Variants in MBD5 observed in about 807,000 individuals in gnomAD.
MBD5 encodes methyl-CpG binding domain protein 5.
Under a neutral mutation model 117.3 loss-of-function variants are expected in MBD5, and 13 were observed. The ratio of observed to expected loss-of-function variants is 0.11; its 90% CI spans 0.07 to 0.18. The LOEUF is 0.18. Among genes scored for constraint, MBD5 ranks in the 10% least tolerant of loss-of-function variants. MBD5 has a pLI of 1.00. For missense variants in MBD5, 1,879 were observed against 2,093.8 expected, an observed-to-expected ratio of 0.90 and a Z score of 2.00; for synonymous variants, 727 against 766.4, an observed-to-expected ratio of 0.95 and a Z score of 0.85.
intron 4 of MBD5, among the ~76,000 whole-genome samples, chr2:148,409,096 A>G (rs1341579612): frequency 6.6e-6 from 1 of 152,106 alleles, no homozygotes; most frequent in East Asian, 1.9e-4. Flanking sequence ...TAAAATAAAC[A>G]TAATTTTGAC....
intron 4 of MBD5, among the ~76,000 whole-genome samples, chr2:148,421,622 C>A (rs891575366): frequency 6.6e-6 from 1 of 152,016 alleles, no homozygotes; most frequent in Non-Finnish European, 1.5e-5. Context: ...GCCAGGGAGC[C>A]AAGTGGTCTG....
chr2:148,468,754 A>G lies in MBD5; in HGVS notation c.811A>G (p.Thr271Ala), dbSNP rs899476247. Residue 271 changes from threonine (T) to alanine (A), a missense_variant, in exon 8 of 14, where the codon ACT (threonine) becomes GCT (alanine). By Grantham distance (58) the Thr-to-Ala change is moderately conservative. Around this residue, in one of 4 missense-constraint regions of MBD5, gnomAD observed 1,666 missense variants for 1,792.2 expected, o/e 0.93. Coordinates refer to ENST00000642680, the MANE Select transcript of MBD5 (RefSeq NM_001378120.1). ...PNSSPIHLNR[T>A]PLSPPSVMLH... ...TTCTAGTCCTATTCACCTGAATAGG[A>G]CTCCTCTTTCTCCACCTTCAGTAAT... is the stretch of plus-strand genomic sequence containing the variant. 1.2e-6 allele frequency: 2 copies of G among 1,612,216 alleles called. No individual in the cohort carries two copies. Among genetic ancestry groups the G allele is most frequent in the East Asian group, 2.2e-5 (1 of 44,780 alleles).
intron 1 of MBD5, among the ~76,000 whole-genome samples, chr2:148,052,989 G>T (rs1277849302): frequency 6.8e-6 from 1 of 147,474 alleles, no homozygotes; most frequent in Non-Finnish European, 1.5e-5. Flanking sequence ...AAAAGAGAGA[G>T]ACAATGTGTA....
chr2:148,043,484 T>TAAATAAATAAAA (rs1018376982), intron 1 of MBD5, among the ~76,000 whole-genome samples: 45 of 138,138 alleles, frequency 3.3e-4, no homozygotes, highest in African/African-American at 9.6e-4. Context: ...AATAAATAAA[T>TAAATAAATAAAA]AAAAGAATAG....
At chr2:148,316,729 G>T (rs1313910039) in intron 3 of MBD5, among the ~76,000 whole-genome samples, 3 of 152,010 alleles carry the variant, frequency 2.0e-5, no homozygotes, top group African/African-American at 7.3e-5. Context: ...AAAAAATGAA[G>T]TTGATGGTTA....
At chr2:148,141,041 G>T (rs1007880727) in intron 1 of MBD5, among the ~76,000 whole-genome samples, 1 of 152,072 alleles carries the variant, frequency 6.6e-6, no homozygotes, top group African/African-American at 2.4e-5. Context: ...CAAACTGCTG[G>T]GATTACAGGT....
Position 148,060,711 on chromosome 2 carries a change from G to C in MBD5, c.-925+39027G>C, listed in dbSNP as rs375451614. On this transcript the variant is annotated intron_variant, in intron 1 of 13. Transcript: ENST00000642680. ...TCCTTTTTTTATAGTGATTGATAGGGTATGATTATTTTGTTCTATAAATAT... is the reference window on the plus strand; with the variant it reads ...TCCTTTTTTTATAGTGATTGATAGGCTATGATTATTTTGTTCTATAAATAT... Among the ~76,000 whole-genome samples the C allele has an allele frequency of 7.2e-5, 11 of 152,134 alleles. No individual in the cohort carries two copies. In the South Asian group the frequency reaches 2.3e-3, roughly 32 times the overall value.
At chr2:148,404,184 A>C (rs1705010564) in intron 4 of MBD5, among the ~76,000 whole-genome samples, 1 of 149,346 alleles carries the variant, frequency 6.7e-6, no homozygotes, top group South Asian at 2.1e-4. Flanking sequence ...AATATTCTTC[A>C]GCTATGTTCT....
At chr2:148,178,080 A>G (rs567834340) in intron 1 of MBD5, among the ~76,000 whole-genome samples, 67 of 152,306 alleles carry the variant, frequency 4.4e-4, no homozygotes, top group African/African-American at 1.6e-3. Context: ...GGAATTCACA[A>G]TCAAGTTCTT....
intron 1 of MBD5, among the ~76,000 whole-genome samples, chr2:148,172,090 G>A (rs540781897): frequency 1.6e-3 from 240 of 152,346 alleles, no homozygotes; most frequent in Non-Finnish European, 2.8e-3. Context: ...TGTGAGTGAT[G>A]TCCACAATGG....
At chr2:148,436,751 G>A (rs542359314) in intron 4 of MBD5, among the ~76,000 whole-genome samples, 3 of 151,902 alleles carry the variant, frequency 2.0e-5, no homozygotes, top group Non-Finnish European at 4.4e-5. Flanking sequence ...GTTCTTCAAG[G>A]TTTTCCAAAT....
chr2:148,345,011 C>T (rs552502329), intron 4 of MBD5, among the ~76,000 whole-genome samples: 73 of 151,696 alleles, frequency 4.8e-4, no homozygotes, highest in African/African-American at 1.7e-3. Flanking sequence ...GATATATGTC[C>T]TAGTGTATAG....
intron 1 of MBD5, among the ~76,000 whole-genome samples, chr2:148,110,041 T>C (rs945980261): frequency 1.6e-4 from 24 of 152,198 alleles, no homozygotes; most frequent in Non-Finnish European, 2.8e-4. Flanking sequence ...AATATTTACT[T>C]TGTTGTCATT....
At chr2:148,479,021 A>C (rs1681060262) in intron 8 of MBD5, among the ~76,000 whole-genome samples, 1 of 152,230 alleles carries the variant, frequency 6.6e-6, no homozygotes, top group African/African-American at 2.4e-5. Flanking sequence ...TTTGTGCAGA[A>C]CTATGAAATA....
At chr2:148,141,691 G>A (rs962010377) in intron 1 of MBD5, among the ~76,000 whole-genome samples, 2 of 152,022 alleles carry the variant, frequency 1.3e-5, no homozygotes, top group Non-Finnish European at 2.9e-5. Context: ...TACCCAAGAG[G>A]CTAAGGTAGG....
At chr2:148,473,501 G>A (rs1195094076) in intron 8 of MBD5, among the ~76,000 whole-genome samples, 1 of 152,058 alleles carries the variant, frequency 6.6e-6, no homozygotes, top group African/African-American at 2.4e-5. Context: ...TCAATCCAGT[G>A]CCTTTTTCCA....
intron 4 of MBD5, among the ~76,000 whole-genome samples, chr2:148,358,781 G>A (rs1177563802): frequency 2.0e-5 from 3 of 151,978 alleles, no homozygotes; most frequent in African/African-American, 7.3e-5. Flanking sequence ...ACAAGAGTGA[G>A]AACCTGTCTT....
At chr2:148,135,205 T>G (rs1367895168) in intron 1 of MBD5, among the ~76,000 whole-genome samples, 1 of 152,238 alleles carries the variant, frequency 6.6e-6, no homozygotes, top group Admixed American at 6.5e-5. Context: ...TACCAAAATA[T>G]GTCCGGTTGT....
intron 1 of MBD5, among the ~76,000 whole-genome samples, chr2:148,063,101 G>A (rs1002895002): frequency 9.2e-5 from 14 of 151,928 alleles, no homozygotes; most frequent in African/African-American, 2.7e-4. Context: ...CTCCTCTTGC[G>A]TACTAATTAA....
Sources: gnomAD v4.1 joint callset for allele counts (sites outside exome capture counted in the v4.1 genomes callset) on GRCh38, gnomAD v4.1.1 for gene constraint, gnomAD v4.1.1 regional missense constraint, MANE v1.5 for transcripts, NCBI Gene and HGNC (gene_info 2026-07-23, HGNC 2026-07-21) for gene names.